The following CHODL variants were observed in gnomAD, a reference collection of about 807,000 sequenced individuals.
CHODL encodes transmembrane protein MT75.
Under a neutral mutation model 34.5 loss-of-function variants are expected in CHODL, and 29 were observed. The ratio of observed to expected loss-of-function variants is 0.84; its 90% CI spans 0.63 to 1.15. The LOEUF (loss-of-function observed/expected upper bound fraction) is 1.15, where lower values mean the gene tolerates loss of function less well. Among genes scored for constraint, CHODL ranks in the 50% most tolerant of loss-of-function variants. The pLI is 0.00. For synonymous variants in CHODL, 125 were observed against 116.1 expected (o/e 1.08, Z -0.49); for missense variants, 332 against 332.5 (o/e 1.00, Z 0.01).
At chr21:18,006,150 TC>T (rs1228742136) in intron 1 of CHODL, among the ~76,000 whole-genome samples, 1 of 152,098 alleles carries the variant, frequency 6.6e-6, no homozygotes, top group Non-Finnish European at 1.5e-5. Flanking sequence ...TGCTGAGGCT[TC>T]CCCAGCCACG....
chr21:18,177,402 A>G (rs2073329311), intron 2 of CHODL, among the ~76,000 whole-genome samples: 1 of 152,034 alleles, frequency 6.6e-6, no homozygotes, highest in Non-Finnish European at 1.5e-5. Context: ...TTTCCTTTAT[A>G]TAGATATTTA....
At chr21:17,946,278 G>C (rs1243934793) in intron 1 of CHODL, among the ~76,000 whole-genome samples, 2 of 152,296 alleles carry the variant, frequency 1.3e-5, no homozygotes, top group South Asian at 4.1e-4. Context: ...AATTAGCCAG[G>C]TGTGGTGGCG....
chr21:18,183,032 T>C (rs560954154), intron 2 of CHODL, among the ~76,000 whole-genome samples: 1 of 152,334 alleles, frequency 6.6e-6, no homozygotes, highest in South Asian at 2.1e-4. Context: ...TTCTCCCTTA[T>C]TGATTAAATA....
chr21:18,094,707 T>C (rs1457741278), intron 2 of CHODL, among the ~76,000 whole-genome samples: 1 of 140,056 alleles, frequency 7.1e-6, no homozygotes, highest in Non-Finnish European at 1.5e-5. Context: ...GCAAAAGCAG[T>C]ACTAAGAGAA....
intron 2 of CHODL, among the ~76,000 whole-genome samples, chr21:18,111,363 T>C (rs535501914): frequency 6.6e-6 from 1 of 152,300 alleles, no homozygotes; most frequent in East Asian, 1.9e-4. Context: ...GTTACATATA[T>C]TATTCAGGGG....
chr21:17,955,396 C>T (rs2063488111), intron 1 of CHODL, among the ~76,000 whole-genome samples: 1 of 136,990 alleles, frequency 7.3e-6, no homozygotes, highest in Non-Finnish European at 1.7e-5. Context: ...CTATTATTGT[C>T]ATAGATGTAA....
intron 2 of CHODL, among the ~76,000 whole-genome samples, chr21:18,147,457 A>T (rs1166284009): frequency 6.6e-6 from 1 of 152,218 alleles, no homozygotes; most frequent in Non-Finnish European, 1.5e-5. Context: ...AATGTGGCTA[A>T]ATCTGCTAAA....
At chr21:17,940,685 A>G (rs2063355585) in intron 1 of CHODL, among the ~76,000 whole-genome samples, 2 of 152,240 alleles carry the variant, frequency 1.3e-5, no homozygotes, top group Admixed American at 6.5e-5. Flanking sequence ...TATATGCACA[A>G]AAATTTAAAA....
At chr21:18,142,620 A>G (rs10482894) in intron 2 of CHODL, among the ~76,000 whole-genome samples, 12,366 of 152,226 alleles carry the variant, frequency 0.081, 1,495 homozygotes, top group African/African-American at 0.27. Context: ...AGACCACTTC[A>G]GATCCATTTC....
chr21:17,939,426 T>C (rs1431507989), intron 1 of CHODL, among the ~76,000 whole-genome samples: 1 of 152,228 alleles, frequency 6.6e-6, no homozygotes, highest in Non-Finnish European at 1.5e-5. Context: ...TTTTTAAAGC[T>C]AAACAGTATT....
In CHODL at chr21:17,918,729, T is replaced by C. The variant is rs149739533; in HGVS notation, c.-145+1329T>C. Among the ~76,000 whole-genome samples, 1,213 of 152,234 alleles carry C rather than the reference T, an allele frequency of 8.0e-3. 19 individuals carry two copies. Among genetic ancestry groups the C allele is most frequent in the African/African-American group, 0.027 (1,125 of 41,544 alleles). On this transcript the variant is annotated intron_variant, in intron 1 of 6. Transcript: ENST00000400127. ...CCTTCCCAACAGTCCCCCAAAGGCT[T>C]AACTCATTTCAGCATTAACTCAGAA...
At chr21:18,235,995 G>C (rs1351901024) in intron 2 of CHODL, among the ~76,000 whole-genome samples, 2 of 151,986 alleles carry the variant, frequency 1.3e-5, no homozygotes, top group Non-Finnish European at 2.9e-5. Flanking sequence ...TTTTTGTTCT[G>C]AATCTCAGAA....
chr21:18,266,340 G>A lies in CHODL; in HGVS notation c.*302G>A. 3.0e-6 allele frequency: 2 copies of A among 661,538 alleles called. No homozygotes were observed. Among genetic ancestry groups the A allele is most frequent in the East Asian group, 3.1e-5 (1 of 32,744 alleles). 41.0% of individuals were successfully genotyped at this position (661,538 alleles called of 1,614,324 possible). ...TTATCAACACGTCGGGAGTATGTGT[G>A]TTAGAAGCAATTCCTTTTATTTCTT... On this transcript the variant is annotated 3_prime_UTR_variant, in exon 6 of 6. Coordinates refer to ENST00000299295, the MANE Select transcript of CHODL (RefSeq NM_024944.3).
At chr21:17,922,433 AAGC>A (rs2063190065) in intron 1 of CHODL, among the ~76,000 whole-genome samples, 1 of 152,176 alleles carries the variant, frequency 6.6e-6, no homozygotes, top group South Asian at 2.1e-4. Flanking sequence ...ACTACAGAGA[AAGC>A]AGCCAATGGC....
At chr21:18,173,190 G>C (rs2073252640) in intron 2 of CHODL, among the ~76,000 whole-genome samples, 1 of 152,118 alleles carries the variant, frequency 6.6e-6, no homozygotes, top group Non-Finnish European at 1.5e-5. Flanking sequence ...AAATTCAATT[G>C]ATTAGAGACT....
intron 2 of CHODL, among the ~76,000 whole-genome samples, chr21:18,077,118 A>C (rs1480422364): frequency 6.6e-6 from 1 of 152,204 alleles, no homozygotes; most frequent in Non-Finnish European, 1.5e-5. Flanking sequence ...AGGGTAGAGC[A>C]TTAAGTCAAA....
At chr21:17,985,473 A>G (rs12483463) in intron 1 of CHODL, among the ~76,000 whole-genome samples, 47,472 of 152,042 alleles carry the variant, frequency 0.31, 8,201 homozygotes, top group Middle Eastern at 0.4. Flanking sequence ...TAGAGTCACA[A>G]GGTCATGGGA....
At chr21:17,953,727 C>G (rs1305382202) in intron 1 of CHODL, among the ~76,000 whole-genome samples, 1 of 152,054 alleles carries the variant, frequency 6.6e-6, no homozygotes, top group African/African-American at 2.4e-5. Context: ...AATATAAAGA[C>G]TAGTCTGGGT....
intron 2 of CHODL, among the ~76,000 whole-genome samples, chr21:18,222,608 T>A (rs528261970): frequency 6.6e-6 from 1 of 152,228 alleles, no homozygotes; most frequent in South Asian, 2.1e-4. Flanking sequence ...CTGACCTAAT[T>A]CCTGCAAGGG....
Sources: allele counts gnomAD v4.1 joint callset (sites outside exome capture counted in the v4.1 genomes callset), GRCh38; gene constraint gnomAD v4.1.1; transcripts MANE v1.5; gene names NCBI Gene and HGNC (gene_info 2026-07-23, HGNC 2026-07-21).